WDR70: variants seen among roughly 807,000 people sequenced by gnomAD.
WDR70 encodes WD repeat domain 70, also known as WD repeat-containing protein 70.
A neutral mutation model predicts 88.6 loss-of-function variants in WDR70; 53 were observed. The observed-to-expected ratio is 0.60, with a 90% CI of 0.48 to 0.75. The LOEUF is 0.75. Ranked by LOEUF, WDR70 falls within the 30% of genes least tolerant of loss-of-function variation. The pLI, the probability that WDR70 is intolerant of heterozygous loss-of-function variation, is 0.00. For synonymous variants in WDR70, 280 were observed against 270.0 expected, an observed-to-expected ratio of 1.04 and a Z score of -0.36; for missense variants, 610 against 823.2, an observed-to-expected ratio of 0.74 and a Z score of 3.17.
chr5:37,716,271 G>A (rs1747652932), intron 13 of WDR70, among the ~76,000 whole-genome samples: 1 of 152,114 alleles, frequency 6.6e-6, no homozygotes, highest in Non-Finnish European at 1.5e-5. Context: ...GTAGAATAAG[G>A]GCGTTGTTTA....
At chr5:37,593,925 T>G (rs1743616622) in intron 9 of WDR70, among the ~76,000 whole-genome samples, 1 of 152,264 alleles carries the variant, frequency 6.6e-6, no homozygotes, top group Non-Finnish European at 1.5e-5. Flanking sequence ...TTTTCATGTG[T>G]CTGATGGCTG....
intron 5 of WDR70, among the ~76,000 whole-genome samples, chr5:37,402,561 C>T (rs561892833): frequency 5.3e-5 from 8 of 151,904 alleles, no homozygotes; most frequent in South Asian, 4.2e-4. Flanking sequence ...TTGATAAATT[C>T]GTAAAATGTG....
At chr5:37,469,431 AAC>A (rs1437581377) in intron 7 of WDR70, among the ~76,000 whole-genome samples, 1 of 152,228 alleles carries the variant, frequency 6.6e-6, no homozygotes, top group African/African-American at 2.4e-5. Context: ...TTGAATATAC[AAC>A]ACTTTACTAG....
Position 37,672,798 on chromosome 5 carries a change from G to A in WDR70, c.1093-24857G>A, listed in dbSNP as rs1416120754. ...CTCCTGGGCCCACTGTTCTTGCTCTGTACTTTGTCTCTGTGTCTTATTTCT... is the reference window on the plus strand; with the variant it reads ...CTCCTGGGCCCACTGTTCTTGCTCTATACTTTGTCTCTGTGTCTTATTTCT... On this transcript the variant is annotated intron_variant, in intron 10 of 17. Transcript: ENST00000265107. Among the ~76,000 whole-genome samples, 3 of 152,204 alleles carry A rather than the reference G, an allele frequency of 2.0e-5. No individual in the cohort carries two copies. The East Asian group carries it at 5.8e-4, about 29-fold the overall frequency.
chr5:37,472,233 G>A (rs1197454151), intron 7 of WDR70, among the ~76,000 whole-genome samples: 1 of 151,896 alleles, frequency 6.6e-6, no homozygotes, highest in Non-Finnish European at 1.5e-5. Context: ...AAGTATCACT[G>A]AAAACAAATA....
intron 10 of WDR70, among the ~76,000 whole-genome samples, chr5:37,642,981 AT>A (rs1286733521): frequency 1.3e-5 from 2 of 151,860 alleles, no homozygotes; most frequent in Non-Finnish European, 2.9e-5. Flanking sequence ...TTTGCAGAAG[AT>A]TTTTACCTTC....
intron 8 of WDR70, among the ~76,000 whole-genome samples, chr5:37,481,311 C>G (rs750684602): frequency 2.6e-5 from 4 of 151,816 alleles, no homozygotes; most frequent in East Asian, 1.9e-4. Flanking sequence ...CACTGCCCTA[C>G]CAGAGGTTAT....
chr5:37,626,691 G>C (rs1453018396), intron 10 of WDR70, among the ~76,000 whole-genome samples: 1 of 152,054 alleles, frequency 6.6e-6, no homozygotes, highest in Non-Finnish European at 1.5e-5. Flanking sequence ...GGAAAGAATT[G>C]GTATTAATTC....
intron 10 of WDR70, among the ~76,000 whole-genome samples, chr5:37,639,165 G>C (rs1304870833): frequency 6.6e-6 from 1 of 152,148 alleles, no homozygotes; most frequent in Non-Finnish European, 1.5e-5. Context: ...GCTTATTTGA[G>C]TATTATTCCT....
At chr5:37,543,213 G>C (rs1403977859) in intron 9 of WDR70, among the ~76,000 whole-genome samples, 4 of 152,074 alleles carry the variant, frequency 2.6e-5, no homozygotes, top group Admixed American at 2.0e-4. Context: ...AGTTAACCCA[G>C]CTAGGACAGA....
chr5:37,588,131 C>G lies in WDR70; in HGVS notation c.918-16933C>G, dbSNP rs569665438. Among the ~76,000 whole-genome samples the G allele has an allele frequency of 7.2e-5, 11 of 151,840 alleles. No individual in the cohort carries two copies. In the South Asian group the frequency reaches 2.3e-3, roughly 32 times the overall value. ...AGTATTAAAGATCAATAGATAGATA[C>G]TAAGACATATATAATATACATCTAG... On this transcript the variant is annotated intron_variant, in intron 9 of 17. Transcript: ENST00000265107.
At chr5:37,682,817 G>C (rs1410614563) in intron 10 of WDR70, among the ~76,000 whole-genome samples, 5 of 152,118 alleles carry the variant, frequency 3.3e-5, no homozygotes, top group African/African-American at 1.2e-4. Flanking sequence ...TTTTGCTTTT[G>C]CTGAGGAGTG....
At chr5:37,740,701 T>C (rs1192019037) in intron 17 of WDR70, among the ~76,000 whole-genome samples, 1 of 152,206 alleles carries the variant, frequency 6.6e-6, no homozygotes, top group Admixed American at 6.5e-5. Context: ...AATTTTATTC[T>C]TTCACCCACT....
intron 9 of WDR70, among the ~76,000 whole-genome samples, chr5:37,563,232 A>T (rs531398896): frequency 0.05 from 2,686 of 54,098 alleles, 595 homozygotes; most frequent in African/African-American, 0.14. Flanking sequence ...GGGGCTCCTC[A>T]CTTCCCAGTA....
chr5:37,648,100 T>G (rs1403306828), intron 10 of WDR70, among the ~76,000 whole-genome samples: 1 of 152,212 alleles, frequency 6.6e-6, no homozygotes, highest in African/African-American at 2.4e-5. Flanking sequence ...TTATTATTAT[T>G]TTGTAGGCAT....
intron 9 of WDR70, among the ~76,000 whole-genome samples, chr5:37,586,622 C>T (rs1743371952): frequency 6.6e-6 from 1 of 152,018 alleles, no homozygotes; most frequent in African/African-American, 2.4e-5. Context: ...CATGTGTTCT[C>T]ATTGTTCAAC....
chr5:37,434,361 A>G (rs192813601), intron 5 of WDR70, among the ~76,000 whole-genome samples: 17 of 152,304 alleles, frequency 1.1e-4, no homozygotes, highest in Non-Finnish European at 5.9e-5. Flanking sequence ...AAATGAATTA[A>G]TGTTAAGTTA....
At chr5:37,681,068 G>A (rs987754549) in intron 10 of WDR70, among the ~76,000 whole-genome samples, 6 of 152,180 alleles carry the variant, frequency 3.9e-5, no homozygotes, top group African/African-American at 1.4e-4. Context: ...TCCTATCCAT[G>A]AGCATGGAAT....
At chr5:37,529,070 GA>G (rs1006533549) in intron 9 of WDR70, among the ~76,000 whole-genome samples, 1 of 151,942 alleles carries the variant, frequency 6.6e-6, no homozygotes. Flanking sequence ...ACCATTTATT[GA>G]ATAGAGTGTC....
Sources: allele counts gnomAD v4.1 joint callset (sites outside exome capture counted in the v4.1 genomes callset), GRCh38; gene constraint gnomAD v4.1.1; transcripts MANE v1.5; gene names NCBI Gene and HGNC (gene_info 2026-07-23, HGNC 2026-07-21).